The following SLC24A2 variants were observed in gnomAD, a reference collection of about 807,000 sequenced individuals.
SLC24A2 encodes solute carrier family 24 member 2.
Under a neutral mutation model 62.0 loss-of-function variants are expected in SLC24A2, and 36 were observed. The observed-to-expected ratio is 0.58, with a 90% CI of 0.44 to 0.77. SLC24A2 has a LOEUF of 0.77. SLC24A2 is among the 30% of genes least tolerant of loss of function. SLC24A2 has a pLI of 0.00. For missense variants in SLC24A2, 846 were observed against 817.9 expected (o/e 1.03, Z -0.42); for synonymous variants, 358 against 294.0 (o/e 1.22, Z -2.23).
the SLC24A2 span, among the ~76,000 whole-genome samples, chr9:20,077,231 A>G: frequency 0.65 from 98,678 of 151,710 alleles, 33,381 homozygotes; most frequent in East Asian, 0.95. Context: ...TATAGAACAC[A>G]CAGACTACTT....
chr9:19,571,094 T>G (rs1372436163), intron 7 of SLC24A2, among the ~76,000 whole-genome samples: 7 of 152,140 alleles, frequency 4.6e-5, no homozygotes, highest in Non-Finnish European at 1.5e-5. Context: ...GGCATGGGGA[T>G]GAGGCTGCCC....
intron 2 of SLC24A2, among the ~76,000 whole-genome samples, chr9:19,750,770 G>A (rs748263755): frequency 2.6e-5 from 4 of 152,034 alleles, no homozygotes; most frequent in Non-Finnish European, 4.4e-5. Context: ...CCAGCTTCTC[G>A]ACCATCACTT....
the SLC24A2 span, among the ~76,000 whole-genome samples, chr9:20,197,033 T>A: frequency 1.3e-5 from 2 of 152,216 alleles, no homozygotes; most frequent in South Asian, 4.1e-4. Context: ...TACACAGCCC[T>A]TCTTCTAATG....
the SLC24A2 span, among the ~76,000 whole-genome samples, chr9:20,126,788 G>A: frequency 1.3e-5 from 2 of 152,136 alleles, no homozygotes; most frequent in Non-Finnish European, 2.9e-5. Context: ...TACCAGTCCT[G>A]AATTGTAGGC....
chr9:19,896,050 T>A, the SLC24A2 span: 1 of 1,274,198 alleles, frequency 7.8e-7, no homozygotes, highest in African/African-American at 1.5e-5. Context: ...GCCTCTGGGA[T>A]GCCTTGCTGG....
At chr9:19,735,991 A>G (rs1821499199) in intron 2 of SLC24A2, among the ~76,000 whole-genome samples, 1 of 152,306 alleles carries the variant, frequency 6.6e-6, no homozygotes, top group African/African-American at 2.4e-5. Context: ...ATGTACCCCA[A>G]AACTTAAAGT....
the SLC24A2 span, among the ~76,000 whole-genome samples, chr9:19,972,163 T>C: frequency 0.018 from 2,717 of 152,024 alleles, 78 homozygotes; most frequent in African/African-American, 0.06. Context: ...TTCACCACTA[T>C]GAGGCCAGTA....
the SLC24A2 span, among the ~76,000 whole-genome samples, chr9:19,845,893 G>T: frequency 6.6e-6 from 1 of 151,752 alleles, no homozygotes; most frequent in South Asian, 2.1e-4. Context: ...GTAACTGTGT[G>T]TTTTTAAGAG....
At chr9:19,561,308 A>G (rs1294435267) in intron 7 of SLC24A2, among the ~76,000 whole-genome samples, 1 of 151,112 alleles carries the variant, frequency 6.6e-6, no homozygotes, top group Non-Finnish European at 1.5e-5. Flanking sequence ...CCTCTTATCC[A>G]TAAGATAAGT....
At chr9:20,196,390 G>A in the SLC24A2 span, among the ~76,000 whole-genome samples, 1 of 152,202 alleles carries the variant, frequency 6.6e-6, no homozygotes, top group Non-Finnish European at 1.5e-5. Flanking sequence ...TAACTAGTGA[G>A]TTTCAAAATA....
intron 8 of SLC24A2, among the ~76,000 whole-genome samples, chr9:19,542,050 C>G (rs1353593011): frequency 1.3e-5 from 2 of 152,218 alleles, no homozygotes; most frequent in African/African-American, 2.4e-5. Context: ...GGCAATGCCT[C>G]GCCCTGCTTC....
chr9:20,030,989 T>G, the SLC24A2 span, among the ~76,000 whole-genome samples: 2 of 152,140 alleles, frequency 1.3e-5, no homozygotes, highest in Non-Finnish European at 2.9e-5. Context: ...GGAAAAGATT[T>G]GCTAGACTGC....
In SLC24A2 at chr9:19,716,793, CAT is replaced by C. The variant is rs748971535; in HGVS notation, c.930+69142_930+69143del. Among the ~76,000 whole-genome samples the C allele has an allele frequency of 7.2e-5, 11 of 152,276 alleles. 1 individual carries two copies. In the East Asian group the frequency reaches 1.9e-3, roughly 27 times the overall value. ...TTTCCTATTCTTCTGTTGTTTGCCA[CAT>C]GTTTTCTGCTTTTTTATCTTTCTTT... On this transcript the variant is annotated intron_variant, in intron 2 of 10. Transcript: ENST00000341998.
chr9:19,705,933 T>C (rs1370274530), intron 2 of SLC24A2, among the ~76,000 whole-genome samples: 1 of 151,154 alleles, frequency 6.6e-6, no homozygotes, highest in African/African-American at 2.4e-5. Flanking sequence ...GAGAGTTCTG[T>C]AGATGTCTAT....
chr9:20,142,727 C>G, the SLC24A2 span, among the ~76,000 whole-genome samples: 1 of 152,190 alleles, frequency 6.6e-6, no homozygotes, highest in African/African-American at 2.4e-5. Flanking sequence ...TCCCAAGGAG[C>G]TGGGATGACA....
At chr9:20,138,495 T>C in the SLC24A2 span, among the ~76,000 whole-genome samples, 1 of 152,172 alleles carries the variant, frequency 6.6e-6, no homozygotes, top group Non-Finnish European at 1.5e-5. Flanking sequence ...ATCCTGAAAT[T>C]TTAGGTTAGG....
chr9:20,271,081 C>T, the SLC24A2 span, among the ~76,000 whole-genome samples: 149 of 152,294 alleles, frequency 9.8e-4, 2 homozygotes, highest in Middle Eastern at 0.01. Flanking sequence ...CTCTATCTTA[C>T]TCTCGCTTTA....
chr9:20,181,474 T>C, the SLC24A2 span, among the ~76,000 whole-genome samples: 2 of 152,064 alleles, frequency 1.3e-5, no homozygotes, highest in African/African-American at 4.8e-5. Flanking sequence ...GCCTCATAAA[T>C]AACACCACAC....
chr9:20,148,915 T>A, the SLC24A2 span, among the ~76,000 whole-genome samples: 4 of 152,096 alleles, frequency 2.6e-5, no homozygotes, highest in East Asian at 7.7e-4. Flanking sequence ...TCAAAACATT[T>A]TTTAAAAATC....
Sources: gnomAD v4.1 joint callset for allele counts (sites outside exome capture counted in the v4.1 genomes callset) on GRCh38, gnomAD v4.1.1 for gene constraint, MANE v1.5 for transcripts, NCBI Gene and HGNC (gene_info 2026-07-23, HGNC 2026-07-21) for gene names.